The following TIMM9 variants were observed in gnomAD, a reference collection of about 807,000 sequenced individuals.
TIMM9 encodes mitochondrial import inner membrane translocase subunit Tim9.
In TIMM9, 10 loss-of-function variants were observed where a neutral mutation model predicts 13.4. That is an observed-to-expected ratio of 0.75 (90% CI 0.46 to 1.26). TIMM9 has a LOEUF of 1.26. Among genes scored for constraint, TIMM9 ranks in the 50% most tolerant of loss-of-function variants. The pLI is 0.00. For missense variants in TIMM9, 87 were observed against 100.8 expected (o/e 0.86, Z 0.58); for synonymous variants, 32 against 32.1 (o/e 1.00, Z 0.01).
intron 3 of TIMM9, among the ~76,000 whole-genome samples, chr14:58,416,560 A>T (rs1249462833): frequency 6.6e-6 from 1 of 152,216 alleles, no homozygotes; most frequent in African/African-American, 2.4e-5. Flanking sequence ...AACGAAGAAA[A>T]TGATAAAAGT....
chr14:58,424,160 G>A (rs1302702971), intron 2 of TIMM9, 65 bp from the exon 3 acceptor site: 6 of 152,132 alleles, frequency 3.9e-5, no homozygotes, highest in African/African-American at 1.4e-4. Context: ...TCAATGAAAT[G>A]TAAACTTCTA....
intron 3 of TIMM9, among the ~76,000 whole-genome samples, chr14:58,420,876 G>A (rs146435120): frequency 6.6e-6 from 1 of 150,738 alleles, no homozygotes; most frequent in African/African-American, 2.4e-5. Flanking sequence ...AACAAAAACA[G>A]TGGCAATACC....
intron 3 of TIMM9, among the ~76,000 whole-genome samples, chr14:58,423,375 G>A (rs1043918345): frequency 5.9e-5 from 9 of 151,458 alleles, no homozygotes; most frequent in African/African-American, 9.7e-5. Flanking sequence ...AAAATTAGCC[G>A]GGCATGGTGG....
rs1228729211 is a variant in TIMM9 at position 58,408,736 on chromosome 14, C to T, written c.*298G>A. ...AACACATAAGTTGCTTTAAAATTAA[C>T]AGTCACAATTGAAGAAACAATGGTT... is the stretch of plus-strand genomic sequence containing the variant. On this transcript the variant is annotated 3_prime_UTR_variant, in exon 6 of 6. Transcript: ENST00000395159. 1.3e-5 allele frequency: 10 copies of T among 764,712 alleles called. No individual in the cohort carries two copies. In the Admixed American group the frequency reaches 2.1e-4, roughly 16 times the overall value. 47.4% of individuals were successfully genotyped at this position (764,712 alleles called of 1,614,324 possible). A position where few individuals can be genotyped will look rare whatever the true frequency, so the allele number is the denominator to read the frequency against.
intron 2 of TIMM9, among the ~76,000 whole-genome samples, 169 bp downstream of exon 2, chr14:58,426,885 C>T (rs574609742): frequency 9.8e-5 from 15 of 152,292 alleles, no homozygotes; most frequent in African/African-American, 3.6e-4. Context: ...ACACCATCTC[C>T]AGGAAGGTCT....
intron 3 of TIMM9, among the ~76,000 whole-genome samples, chr14:58,417,583 A>G (rs2036456869): frequency 8.3e-6 from 1 of 120,794 alleles, no homozygotes; most frequent in South Asian, 3.3e-4. Context: ...GAGGGAGGGA[A>G]AGGAGCGTGG....
chr14:58,426,813 C>T (rs2031419), intron 2 of TIMM9, among the ~76,000 whole-genome samples: 130,460 of 152,114 alleles, frequency 0.86, 57,054 homozygotes, highest in East Asian at 0.99. Flanking sequence ...AACAGGACCC[C>T]GACTCCCCAG....
intron 3 of TIMM9, among the ~76,000 whole-genome samples, chr14:58,413,452 T>C (rs1437350946): frequency 6.6e-6 from 1 of 152,324 alleles, no homozygotes; most frequent in East Asian, 1.9e-4. Context: ...TTACAGGAAT[T>C]ATACATTCTA....
intron 3 of TIMM9, among the ~76,000 whole-genome samples, chr14:58,422,483 C>G (rs2140341425): frequency 6.6e-6 from 1 of 152,256 alleles, no homozygotes; most frequent in South Asian, 2.1e-4. Context: ...CTACACACAT[C>G]TTGTCCTTAT....
chr14:58,408,753 A>G lies in TIMM9; in HGVS notation c.*281T>C. On this transcript the variant is annotated 3_prime_UTR_variant, in exon 6 of 6. Transcript: ENST00000395159. ...AAAATTAACAGTCACAATTGAAGAA[A>G]CAATGGTTTATTTTTCTAATCAAGT... 2 of 729,048 alleles carry G rather than the reference A, an allele frequency of 2.7e-6. No homozygotes were observed. The highest frequency in any genetic ancestry group is 4.3e-6 in the Non-Finnish European group (2 of 461,694). The allele number at this position is 729,048 out of a possible 1,614,324, so 45.2% of individuals were successfully genotyped here.
chr14:58,412,677 G>A (rs2036259933), intron 3 of TIMM9, among the ~76,000 whole-genome samples: 4 of 152,066 alleles, frequency 2.6e-5, no homozygotes. Flanking sequence ...AAGACATGTG[G>A]ATCACTTGAG....
chr14:58,422,429 C>T (rs1231471527), intron 3 of TIMM9, among the ~76,000 whole-genome samples: 1 of 151,984 alleles, frequency 6.6e-6, no homozygotes, highest in Non-Finnish European at 1.5e-5. Context: ...AGTATGAAAT[C>T]TTTAAATGTT....
At chr14:58,417,623 AAGGGAGGG>A (rs373080212) in intron 3 of TIMM9, among the ~76,000 whole-genome samples, 5 of 108,906 alleles carry the variant, frequency 4.6e-5, no homozygotes, top group South Asian at 3.9e-4. Flanking sequence ...GGAAGGAGGG[AAGGGAGGG>A]AGGGAGGGAG....
chr14:58,414,513 G>A (rs1172343902), intron 3 of TIMM9, among the ~76,000 whole-genome samples: 1 of 151,972 alleles, frequency 6.6e-6, no homozygotes, highest in East Asian at 1.9e-4. Flanking sequence ...TGAGGCAGGT[G>A]GATCACCTGA....
chr14:58,411,023 A>T lies in TIMM9; in HGVS notation c.40-85T>A, dbSNP rs187739951. 535 of 886,922 alleles carry T rather than the reference A, an allele frequency of 6.0e-4. No homozygotes were observed. The African/African-American group carries it at 7.8e-3, about 13-fold the overall frequency. The allele number at this position is 886,922 out of a possible 1,614,324, so 54.9% of individuals were successfully genotyped here. A position where few individuals can be genotyped will look rare whatever the true frequency, so the allele number is the denominator to read the frequency against. ...CTTAAATTACTGGTATTTTATATTTAGACAAAATATACTATAACACTTGAA... is the reference window on the plus strand; with the variant it reads ...CTTAAATTACTGGTATTTTATATTTTGACAAAATATACTATAACACTTGAA... On this transcript the variant is annotated intron_variant, in intron 4 of 5. Transcript: ENST00000395159.
intron 3 of TIMM9, among the ~76,000 whole-genome samples, chr14:58,420,812 AAC>A (rs1192951632): frequency 7.3e-5 from 11 of 151,398 alleles, no homozygotes; most frequent in African/African-American, 2.7e-4. Flanking sequence ...AAAAAAAAAA[AAC>A]AAGCTATATA....
chr14:58,421,747 A>G (rs1006880389), intron 3 of TIMM9, among the ~76,000 whole-genome samples: 6 of 152,234 alleles, frequency 3.9e-5, no homozygotes, highest in African/African-American at 1.4e-4. Context: ...CAACTTCTAA[A>G]GAAGTATTAA....
intron 4 of TIMM9, 152 bp from the exon 5 acceptor site, chr14:58,411,090 T>C: frequency 1.7e-6 from 1 of 577,936 alleles, no homozygotes; most frequent in Non-Finnish European, 3.0e-6. Context: ...CAGTATGATC[T>C]ACAGAATAGT....
At chr14:58,416,155 G>A (rs1031740923) in intron 3 of TIMM9, among the ~76,000 whole-genome samples, 1 of 152,054 alleles carries the variant, frequency 6.6e-6, no homozygotes, top group Non-Finnish European at 1.5e-5. Context: ...TTGAACCCAG[G>A]AGGCAGAGGT....
Sources: gnomAD v4.1 joint callset for allele counts (sites outside exome capture counted in the v4.1 genomes callset) on GRCh38, gnomAD v4.1.1 for gene constraint, MANE v1.5 for transcripts, NCBI Gene and HGNC (gene_info 2026-07-23, HGNC 2026-07-21) for gene names.